The following UVRAG variants were observed in gnomAD, a reference collection of about 807,000 sequenced individuals.
UVRAG encodes UV radiation resistance-associated gene protein.
UVRAG carries 19 observed loss-of-function variants against 78.0 expected under a neutral mutation model. That is an observed-to-expected ratio of 0.24 (90% confidence interval 0.17 to 0.36). The LOEUF (loss-of-function observed/expected upper bound fraction) is 0.36. Among genes scored for constraint, UVRAG ranks in the 10% least tolerant of loss-of-function variants. The probability of loss-of-function intolerance (pLI) is 1.00; values close to 1 mark genes in which losing one functional copy is unlikely to be tolerated. For synonymous variants in UVRAG, 323 were observed against 324.6 expected, an observed-to-expected ratio of 1.00 and a Z score of 0.05; for missense variants, 740 against 853.8, an observed-to-expected ratio of 0.87 and a Z score of 1.66.
At position 76,115,960 on chromosome 11, in the gene UVRAG, C is replaced by A. The variant is rs201770800; in HGVS notation, c.1342C>A (p.Arg448=). Residue 448 remains arginine, a synonymous_variant, in exon 14 of 15, where the codon CGG becomes AGG. Coordinates refer to ENST00000356136, the MANE Select transcript of UVRAG (RefSeq NM_003369.4). The part of the protein sequence containing the change: ...YQHGLGTPDL[R]QTLPNLKNFM... ...ACATGGACTAGGGACTCCAGACTTG[C>A]GGCAAACCCTTCCCAACCTGAAAAA... 4 of 1,613,874 alleles carry A rather than the reference C, an allele frequency of 2.5e-6. No homozygotes were observed. The highest frequency in any genetic ancestry group is 1.1e-5 in the South Asian group (1 of 91,084).
At chr11:75,854,383 A>G (rs1946237457) in intron 2 of UVRAG, among the ~76,000 whole-genome samples, 1 of 152,130 alleles carries the variant, frequency 6.6e-6, no homozygotes, top group African/African-American at 2.4e-5. Context: ...TCTATTGGCC[A>G]TAAATCAGTT....
At chr11:76,111,411 CT>C (rs1275587127) in intron 13 of UVRAG, among the ~76,000 whole-genome samples, 6 of 152,158 alleles carry the variant, frequency 3.9e-5, no homozygotes, top group African/African-American at 1.4e-4. Flanking sequence ...TCCCAGTTCA[CT>C]TTTCCCACTC....
intron 7 of UVRAG, among the ~76,000 whole-genome samples, chr11:75,976,494 T>C (rs1036901240): frequency 2.6e-5 from 4 of 152,204 alleles, no homozygotes; most frequent in African/African-American, 4.8e-5. Context: ...ATCTGTCTGG[T>C]CCTGGACTTT....
intron 1 of UVRAG, among the ~76,000 whole-genome samples, chr11:75,819,696 C>T (rs115825997): frequency 0.011 from 1,714 of 150,532 alleles, 32 homozygotes; most frequent in African/African-American, 0.039. Flanking sequence ...TGGCCGAGCA[C>T]GGTGGCTCAT....
rs1402468122 is a variant in UVRAG, at chr11:75,878,124, G to T, written c.271-1755G>T. On this transcript the variant is annotated intron_variant, in intron 3 of 14. Coordinates refer to ENST00000356136, the MANE Select transcript of UVRAG (RefSeq NM_003369.4). ...TCAGATGGGGCGGTTGCCGGGCGGA[G>T]GGTCTCCTCCCTTCTCAGATGGGGC... 6.7e-5 allele frequency among the ~76,000 whole-genome samples: 10 copies of T among 150,170 alleles called. No individual in the cohort carries two copies. In the South Asian group the frequency reaches 8.4e-4, roughly 13 times the overall value.
intron 7 of UVRAG, among the ~76,000 whole-genome samples, chr11:75,965,607 G>A (rs371930773): frequency 2.4e-4 from 37 of 152,292 alleles, no homozygotes; most frequent in African/African-American, 7.9e-4. Context: ...GAGCCACCGC[G>A]CCCGGCAGAT....
rs1250972307 is a variant in UVRAG at position 76,088,721 on chromosome 11, G to A, written c.1305+22933G>A. Among the ~76,000 whole-genome samples, 10 of 151,972 alleles carry A rather than the reference G, an allele frequency of 6.6e-5. No individual in the cohort carries two copies. The East Asian group carries it at 1.9e-3, about 29-fold the overall frequency. Reference sequence around the variant, plus strand: ...ATTTCCTTCCCCTTTTGTCCATGTGGTAAACTCCCACTCATTCTCCAGGAT... The same window carrying A: ...ATTTCCTTCCCCTTTTGTCCATGTGATAAACTCCCACTCATTCTCCAGGAT... On this transcript the variant is annotated intron_variant, in intron 13 of 14. Coordinates refer to ENST00000356136, the MANE Select transcript of UVRAG (RefSeq NM_003369.4).
chr11:75,837,715 G>A (rs745942943), intron 1 of UVRAG: 1 of 152,042 alleles, frequency 6.6e-6, no homozygotes, highest in African/African-American at 2.4e-5. Context: ...CAGATGCAGA[G>A]GGCCTGCTGT....
rs150174890 is a variant in UVRAG, at chr11:76,141,167, C to T, written c.1854C>T (p.His618=). 6.8e-4 allele frequency: 1,096 copies of T among 1,614,188 alleles called. 1 individual carries two copies. Among genetic ancestry groups the T allele is most frequent in the Middle Eastern group, 1.2e-3 (7 of 6,062 alleles). The change falls in exon 15 of 15, where the codon CAC becomes CAT. Residue 618 remains histidine, a synonymous_variant. Coordinates refer to ENST00000356136, the MANE Select transcript of UVRAG (RefSeq NM_003369.4). ...GTGTCCAGCTTCCAGGCGAGTTCCA[C>T]CCAGTCTCAGAAGCTGAGCTCTGCT... The part of the protein sequence containing the change: ...SASVQLPGEF[H]PVSEAELCCT...
chr11:75,847,583 G>A (rs1055582062), intron 1 of UVRAG, among the ~76,000 whole-genome samples: 2 of 152,044 alleles, frequency 1.3e-5, no homozygotes, highest in East Asian at 1.9e-4. Flanking sequence ...TGGAATGAAC[G>A]TTATTAAAAA....
intron 8 of UVRAG, among the ~76,000 whole-genome samples, chr11:75,995,504 A>G (rs1284944406): frequency 1.3e-5 from 2 of 150,558 alleles, no homozygotes; most frequent in Non-Finnish European, 3.0e-5. Context: ...TCATTTTGAA[A>G]AAAAAAAAAA....
intron 7 of UVRAG, among the ~76,000 whole-genome samples, chr11:75,963,137 A>G (rs1948939775): frequency 6.6e-6 from 1 of 152,178 alleles, no homozygotes; most frequent in Non-Finnish European, 1.5e-5. Context: ...AATATTCATT[A>G]CCATTTACCA....
Position 76,115,997 on chromosome 11 carries a change from A to G in UVRAG, c.1379A>G (p.His460Arg), listed in dbSNP as rs560281072. Residue 460 changes from histidine (H) to arginine (R), a missense_variant, in exon 14 of 15, where the codon CAT becomes CGT. Physicochemically the swap from His to Arg is conservative, Grantham distance 29. Transcript: ENST00000356136. ...TLPNLKNFME[H>R]GLMVRCDRHH... The stretch of plus-strand genomic sequence containing the variant: ...CCCAACCTGAAAAACTTCATGGAGC[A>G]TGGACTAATGGTCAGGTGGTGAGTA... The G allele has an allele frequency of 1.2e-6, 2 of 1,613,846 alleles. No individual in the cohort carries two copies. Among genetic ancestry groups the G allele is most frequent in the African/African-American group, 2.7e-5 (2 of 75,030 alleles).
At chr11:75,961,650 A>C (rs1392939798) in intron 7 of UVRAG, 101 bp downstream of exon 7, 51 of 832,240 alleles carry the variant, frequency 6.1e-5, no homozygotes, top group Non-Finnish European at 8.9e-5. Flanking sequence ...GATCGTTTTT[A>C]TCTTCTTAAT....
chr11:75,983,197 T>C (rs1949427784), intron 7 of UVRAG, among the ~76,000 whole-genome samples, 190 bp from the exon 8 acceptor site: 1 of 152,204 alleles, frequency 6.6e-6, no homozygotes, highest in African/African-American at 2.4e-5. Context: ...TTACTCTTAT[T>C]CTTTGCTTAT....
intron 8 of UVRAG, among the ~76,000 whole-genome samples, chr11:75,998,809 A>G (rs1009443458): frequency 1.3e-5 from 2 of 152,272 alleles, no homozygotes; most frequent in Admixed American, 6.5e-5. Flanking sequence ...TTTCTTCTGC[A>G]TAGACCTCTT....
chr11:76,059,862 A>T (rs186009645), intron 12 of UVRAG, among the ~76,000 whole-genome samples: 3 of 152,354 alleles, frequency 2.0e-5, no homozygotes, highest in Admixed American at 2.0e-4. Context: ...CTCAGAATAT[A>T]TTGAGTCCAT....
intron 6 of UVRAG, among the ~76,000 whole-genome samples, chr11:75,920,422 T>C (rs1481924581): frequency 2.0e-5 from 3 of 152,164 alleles, no homozygotes; most frequent in African/African-American, 7.2e-5. Context: ...CTACATATAC[T>C]ATAAATATAT....
intron 5 of UVRAG, among the ~76,000 whole-genome samples, chr11:75,894,679 C>T (rs1221404210): frequency 4.6e-5 from 7 of 151,380 alleles, no homozygotes. Flanking sequence ...GTGGGGATTA[C>T]AGGCTGAGGC....
Sources: gnomAD v4.1 joint callset for allele counts (sites outside exome capture counted in the v4.1 genomes callset) on GRCh38, gnomAD v4.1.1 for gene constraint, MANE v1.5 for transcripts, NCBI Gene and HGNC (gene_info 2026-07-23, HGNC 2026-07-21) for gene names.